Variants in ANKRD33B observed in about 807,000 individuals in gnomAD.
The protein encoded by ANKRD33B is ankyrin repeat domain 33B, also known as ankyrin repeat domain-containing protein 33B.
ANKRD33B carries 6 observed loss-of-function variants against 21.5 expected under a neutral mutation model. That is an observed-to-expected ratio of 0.28 (90% CI 0.15 to 0.55). The LOEUF is 0.55. Among genes scored for constraint, ANKRD33B ranks in the 20% least tolerant of loss-of-function variants. ANKRD33B has a pLI of 0.94. For synonymous variants in ANKRD33B, 347 were observed against 342.4 expected, an observed-to-expected ratio of 1.01 and a Z score of -0.15; for missense variants, 698 against 747.2, an observed-to-expected ratio of 0.93 and a Z score of 0.77.
rs577131176 is a variant in ANKRD33B at position 10,606,506 on chromosome 5, T to C, written c.367-11827T>C. Among the ~76,000 whole-genome samples the C allele has an allele frequency of 2.4e-4, 37 of 152,148 alleles. No individual in the cohort carries two copies. The East Asian group carries it at 6.8e-3, about 28-fold the overall frequency. On this transcript the variant is annotated intron_variant, in intron 1 of 3. Transcript: ENST00000296657. ...ATCCCAGCACTTTGGGAGGCCAAGG[T>C]GGGCGGATCACAAGGTCAAGAGATC...
intron 1 of ANKRD33B, among the ~76,000 whole-genome samples, chr5:10,601,592 G>T (rs1735932083): frequency 1.3e-5 from 2 of 152,232 alleles, no homozygotes; most frequent in Admixed American, 1.3e-4. Flanking sequence ...TGAGGGGAGG[G>T]AGTCGCATTT....
chr5:10,652,436 A>AGCCAG lies in ANKRD33B; in HGVS notation c.*2325_*2329dup, dbSNP rs1370448174. 6.6e-6 allele frequency: 1 copy of AGCCAG among 152,524 alleles called. No homozygotes were observed. The highest frequency in any genetic ancestry group is 2.4e-5 in the African/African-American group (1 of 41,460). The allele number at this position is 152,524 out of a possible 1,614,324, so 9.4% of individuals were successfully genotyped here. A position where few individuals can be genotyped will look rare whatever the true frequency, so the allele number is the denominator to read the frequency against. On this transcript the variant is annotated 3_prime_UTR_variant, in exon 4 of 4. Transcript: ENST00000296657. The surrounding 1 kb of genome is among the most constrained non-coding windows in gnomAD (Gnocchi z 4.1). ...AAGAATGTCTCATTGTCATTGGAACAGCCAGGGTCAGGCAGCTTCTGCTCG... is the reference window on the plus strand; with the variant it reads ...AAGAATGTCTCATTGTCATTGGAACAGCCAGGCCAGGGTCAGGCAGCTTCTGCTCG...
In ANKRD33B at chr5:10,619,875, C is replaced by T. The variant is rs1043125206; in HGVS notation, c.496+1413C>T. Among the ~76,000 whole-genome samples, 14 of 152,252 alleles carry T rather than the reference C, an allele frequency of 9.2e-5. No homozygotes were observed. In the East Asian group the frequency reaches 1.5e-3, roughly 17 times the overall value. On this transcript the variant is annotated intron_variant, in intron 2 of 3. Coordinates refer to ENST00000296657, the MANE Select transcript of ANKRD33B (RefSeq NM_001164440.2). The surrounding 1 kb of genome is among the most constrained non-coding windows in gnomAD (Gnocchi z 4.5). The stretch of plus-strand genomic sequence containing the variant: ...ACGAAGCCCAGCACCATCTGTCTGC[C>T]GGAGCTTGGTGCTGTGGGATGAGAA...
intron 1 of ANKRD33B, among the ~76,000 whole-genome samples, chr5:10,605,064 C>G (rs1736016870): frequency 6.6e-6 from 1 of 152,216 alleles, no homozygotes; most frequent in Non-Finnish European, 1.5e-5. Flanking sequence ...CAAAGTGGCT[C>G]TCTCTCGTGG....
chr5:10,572,710 A>ACT (rs1735225140), intron 1 of ANKRD33B, among the ~76,000 whole-genome samples: 1 of 152,204 alleles, frequency 6.6e-6, no homozygotes, highest in African/African-American at 2.4e-5. Context: ...TGTCTCAGAA[A>ACT]AAGTGTGCCA....
In ANKRD33B at chr5:10,649,877, G is replaced by C; in HGVS notation, c.1249G>C (p.Val417Leu). 1 of 1,489,682 alleles carries C rather than the reference G, an allele frequency of 6.7e-7. No homozygotes were observed. Among genetic ancestry groups the C allele is most frequent in the Non-Finnish European group, 8.9e-7 (1 of 1,125,944 alleles). The allele number at this position is 1,489,682 out of a possible 1,614,324, so 92.3% of individuals were successfully genotyped here. The change falls in exon 4 of 4, where the codon GTG (valine) becomes CTG (leucine). Residue 417 changes from valine to leucine, a missense_variant. By Grantham distance (32) the Val-to-Leu change is conservative. This residue lies in a region of ANKRD33B where 543 missense variants were observed against 566.5 expected (regional missense o/e 0.96). Transcript: ENST00000296657. ...LPLQRLRRRSVRPGVVVPRVR... is the reference protein window; with the variant it reads ...LPLQRLRRRSLRPGVVVPRVR... Reference sequence around the variant, plus strand: ...CCTGCAGCGCCTGCGGCGGAGAAGCGTGCGGCCCGGTGTGGTGGTGCCCCG... The same window carrying C: ...CCTGCAGCGCCTGCGGCGGAGAAGCCTGCGGCCCGGTGTGGTGGTGCCCCG...
intron 3 of ANKRD33B, among the ~76,000 whole-genome samples, chr5:10,641,219 CTTCTTCTTTTTTT>C (rs977335047): frequency 3.4e-5 from 4 of 116,290 alleles, no homozygotes; most frequent in African/African-American, 1.2e-4. Context: ...TCTTCTTCTT[CTTCTTCTTTTTTT>C]TTTTTTTTTT....
chr5:10,581,646 G>T (rs1735447460), intron 1 of ANKRD33B, among the ~76,000 whole-genome samples: 1 of 152,230 alleles, frequency 6.6e-6, no homozygotes, highest in South Asian at 2.1e-4. Flanking sequence ...ACTGGTCTAG[G>T]TGTTCCTGTG....
At chr5:10,605,103 G>A (rs1186599169) in intron 1 of ANKRD33B, among the ~76,000 whole-genome samples, 2 of 152,182 alleles carry the variant, frequency 1.3e-5, no homozygotes, top group South Asian at 4.1e-4. Flanking sequence ...CAGTTAGCTG[G>A]GGGCCTCAGT....
intron 1 of ANKRD33B, among the ~76,000 whole-genome samples, chr5:10,593,042 CA>C (rs1340360346): frequency 6.6e-6 from 1 of 152,142 alleles, no homozygotes; most frequent in Non-Finnish European, 1.5e-5. Flanking sequence ...CTTTTCCCAC[CA>C]CCCCGTATCC....
At position 10,618,424 on chromosome 5, in the gene ANKRD33B, G is replaced by T. The variant is rs1477409933; in HGVS notation, c.458G>T (p.Ser153Ile). 2.0e-6 allele frequency: 3 copies of T among 1,537,360 alleles called. No homozygotes were observed. Among genetic ancestry groups the T allele is most frequent in the Non-Finnish European group, 2.6e-6 (3 of 1,146,804 alleles). Residue 153 changes from serine to isoleucine, a missense_variant, in exon 2 of 4, where the codon AGC (serine) becomes ATC (isoleucine). Ser to Ile is a moderately radical substitution (Grantham distance 142). Around this residue, in one of 3 missense-constraint regions of ANKRD33B, gnomAD observed 543 missense variants for 566.5 expected, o/e 0.96. Transcript: ENST00000296657. Reference protein sequence around the residue: ...CPHVDVNWQDSEGNTALITAA... With the variant: ...CPHVDVNWQDIEGNTALITAA... ...CACGTTGACGTCAACTGGCAGGACA[G>T]CGAGGGGAACACAGCCCTAATCACA...
chr5:10,630,883 A>AG (rs1736694494), intron 2 of ANKRD33B, among the ~76,000 whole-genome samples: 1 of 151,630 alleles, frequency 6.6e-6, no homozygotes, highest in African/African-American at 2.4e-5. Context: ...AAAAAAAAAA[A>AG]AAAGAAGAAG....
Position 10,564,336 on chromosome 5 carries a change from C to G in ANKRD33B, c.-132C>G. On this transcript the variant is annotated 5_prime_UTR_variant, in exon 1 of 4. Transcript: ENST00000296657. Reference sequence around the variant, plus strand: ...AGCGCAGCCGCCTGGTGCCGGTTTCCGCCGAGCTGGAGCGCGCGGGCCACG... The same window carrying G: ...AGCGCAGCCGCCTGGTGCCGGTTTCGGCCGAGCTGGAGCGCGCGGGCCACG... 1 of 607,632 alleles carries G rather than the reference C, an allele frequency of 1.6e-6. No homozygotes were observed. Among genetic ancestry groups the G allele is most frequent in the Middle Eastern group, 8.1e-4 (1 of 1,234 alleles). 37.6% of individuals were successfully genotyped at this position (607,632 alleles called of 1,614,324 possible).
At chr5:10,638,509 G>A (rs1736928283) in intron 3 of ANKRD33B, among the ~76,000 whole-genome samples, 1 of 152,218 alleles carries the variant, frequency 6.6e-6, no homozygotes, top group South Asian at 2.1e-4. Flanking sequence ...GGCTGTAAAT[G>A]GCAAGACTGT....
intron 1 of ANKRD33B, among the ~76,000 whole-genome samples, chr5:10,575,216 A>G (rs1016099919): frequency 6.6e-6 from 1 of 151,562 alleles, no homozygotes; most frequent in African/African-American, 2.4e-5. Context: ...TGAGGTCAAA[A>G]GATCAAGACC....
chr5:10,606,539 T>G (rs956709277), intron 1 of ANKRD33B, among the ~76,000 whole-genome samples: 2 of 151,964 alleles, frequency 1.3e-5, no homozygotes, highest in Admixed American at 6.5e-5. Flanking sequence ...ATCGAGACCA[T>G]CCTGGCCAAC....
rs1579752598 is a variant in ANKRD33B at position 10,637,926 on chromosome 5, A to G, written c.497-102A>G. On this transcript the variant is annotated intron_variant, in intron 2 of 3. Coordinates refer to ENST00000296657, the MANE Select transcript of ANKRD33B (RefSeq NM_001164440.2). ...ACTCACACAGCAGACCGGCTGGCCC[A>G]GGGCTGACTCAGTGTTTCTTTCTCT... The G allele has an allele frequency of 3.7e-6, 5 of 1,351,396 alleles. No individual in the cohort carries two copies. The East Asian group carries it at 1.0e-4, about 27-fold the overall frequency. The allele number at this position is 1,351,396 out of a possible 1,614,324, so 83.7% of individuals were successfully genotyped here. A position where few individuals can be genotyped will look rare whatever the true frequency, so the allele number is the denominator to read the frequency against.
rs996676415 is a variant in ANKRD33B, at chr5:10,580,945, G to A, written c.366+16112G>A. Among the ~76,000 whole-genome samples the A allele has an allele frequency of 2.6e-5, 4 of 152,168 alleles. No homozygotes were observed. The South Asian group carries it at 8.3e-4, about 32-fold the overall frequency. On this transcript the variant is annotated intron_variant, in intron 1 of 3. Coordinates refer to ENST00000296657, the MANE Select transcript of ANKRD33B (RefSeq NM_001164440.2). ...CTCACTTGGCAGTGGGTTGGGCTCT[G>A]GCAGGTCCTCTAAGTCTTCTGCTTC...
chr5:10,640,404 A>T (rs1015712849), intron 3 of ANKRD33B, among the ~76,000 whole-genome samples: 1 of 152,032 alleles, frequency 6.6e-6, no homozygotes, highest in South Asian at 2.1e-4. Flanking sequence ...TACTTTATAC[A>T]CTCCTAGAGG....
Sources: gnomAD v4.1 joint callset for allele counts (sites outside exome capture counted in the v4.1 genomes callset) on GRCh38, gnomAD v4.1.1 for gene constraint, gnomAD v4.1.1 regional missense constraint, Gnocchi (gnomAD v3.1) non-coding constraint, MANE v1.5 for transcripts, NCBI Gene and HGNC (gene_info 2026-07-23, HGNC 2026-07-21) for gene names.